Variants in ZBTB10 observed in about 807,000 individuals in gnomAD.
ZBTB10 encodes zinc finger and BTB domain-containing protein 10.
Under a neutral mutation model 76.4 loss-of-function variants are expected in ZBTB10, and 32 were observed. The observed-to-expected ratio is 0.42, with a 90% CI of 0.32 to 0.56. The LOEUF (loss-of-function observed/expected upper bound fraction) is 0.56. Among genes scored for constraint, ZBTB10 ranks in the 20% least tolerant of loss-of-function variants. ZBTB10 has a pLI of 0.14. For synonymous variants in ZBTB10, 523 were observed against 432.9 expected (o/e 1.21, Z -2.58); for missense variants, 1,057 against 1,098.5 (o/e 0.96, Z 0.53).
At chr8:80,502,981 T>G (rs1456640174) in intron 2 of ZBTB10, among the ~76,000 whole-genome samples, 3 of 152,170 alleles carry the variant, frequency 2.0e-5, no homozygotes, top group African/African-American at 4.8e-5. Flanking sequence ...TTAATTGGTA[T>G]GGAATGTGGT....
In ZBTB10 at chr8:80,486,396, T is replaced by TGTGGAGGATCG; in HGVS notation, c.-411_-401dup. On this transcript the variant is annotated 5_prime_UTR_variant, in exon 1 of 6. Transcript: ENST00000455036. ...TCGGCGCGCGGAGGAAGGATATCTGTGTGGAGGATCGGTGTGTGCGCGCGC... is the reference window on the plus strand; with the variant it reads ...TCGGCGCGCGGAGGAAGGATATCTGTGTGGAGGATCGGTGGAGGATCGGTGTGTGCGCGCGC... 1 of 987,438 alleles carries TGTGGAGGATCG rather than the reference T, an allele frequency of 1.0e-6. No individual in the cohort carries two copies. The highest frequency in any genetic ancestry group is 1.2e-6 in the Non-Finnish European group (1 of 832,294). 61.2% of individuals were successfully genotyped at this position (987,438 alleles called of 1,614,324 possible).
intron 2 of ZBTB10, among the ~76,000 whole-genome samples, 182 bp from the exon 3 acceptor site, chr8:80,513,721 CTAACCAG>C (rs35652875): frequency 0.037 from 5,618 of 152,226 alleles, 238 homozygotes; most frequent in East Asian, 0.23. Context: ...CAGCCCATTC[CTAACCAG>C]TACACTGTAC....
At position 80,500,305 on chromosome 8, in the gene ZBTB10, A is replaced by G. The variant is rs1797247911; in HGVS notation, c.1784A>G (p.Asn595Ser). The G allele has an allele frequency of 6.3e-7, 1 of 1,581,388 alleles. No individual in the cohort carries two copies. Among genetic ancestry groups the G allele is most frequent in the Admixed American group, 1.8e-5 (1 of 55,556 alleles). ...IYNIPPNNET[N>S]LEDCSVMQPP... ...AATATTCCACCTAATAATGAAACGAATTTAGAAGATTGCTCAGTAATGCAG... is the reference window on the plus strand; with the variant it reads ...AATATTCCACCTAATAATGAAACGAGTTTAGAAGATTGCTCAGTAATGCAG... The change falls in exon 2 of 6, where the codon AAT becomes AGT. Residue 595 changes from asparagine to serine, a missense_variant. Asn to Ser is a conservative substitution (Grantham distance 46). This residue lies in a region of ZBTB10 where 306 missense variants were observed against 297.5 expected (regional missense o/e 1.03). Transcript: ENST00000455036.
chr8:80,485,815 C>A, upstream of ZBTB10: 1 of 1,535,756 alleles, frequency 6.5e-7, no homozygotes, highest in Middle Eastern at 1.7e-4. Context: ...TCCCACCGCA[C>A]AGTTATTTGC....
chr8:80,507,258 A>G (rs1280256648), intron 2 of ZBTB10, among the ~76,000 whole-genome samples: 4 of 151,126 alleles, frequency 2.6e-5, no homozygotes, highest in Non-Finnish European at 5.9e-5. Flanking sequence ...CAGTGAGCCA[A>G]GACCATGCCA....
In ZBTB10 at chr8:80,522,128, T is replaced by A. The variant is rs1816461072; in HGVS notation, c.*2600T>A. On this transcript the variant is annotated 3_prime_UTR_variant, in exon 6 of 6. Coordinates refer to ENST00000455036, the MANE Select transcript of ZBTB10 (RefSeq NM_001105539.3). ...ACTGCCTTTTCCCATCTAGATCTTT[T>A]AAAAAAATAGTTTTAGTACTAAGGT... The A allele has an allele frequency of 1.3e-5, 2 of 151,858 alleles. No individual in the cohort carries two copies. The highest frequency in any genetic ancestry group is 4.8e-5 in the African/African-American group (2 of 41,410). 9.4% of individuals were successfully genotyped at this position (151,858 alleles called of 1,614,324 possible). A position where few individuals can be genotyped will look rare whatever the true frequency, so the allele number is the denominator to read the frequency against.
At chr8:80,511,756 C>A (rs554110496) in intron 2 of ZBTB10, among the ~76,000 whole-genome samples, 72 of 152,084 alleles carry the variant, frequency 4.7e-4, no homozygotes, top group Admixed American at 1.2e-3. Flanking sequence ...GACCAAAAAA[C>A]CAAATTATTC....
At position 80,499,487 on chromosome 8, in the gene ZBTB10, A is replaced by G. The variant is rs1318691216; in HGVS notation, c.973-7A>G. On this transcript the variant is annotated splice_polypyrimidine_tract_variant and splice_region_variant and intron_variant, in intron 1 of 5. Coordinates refer to ENST00000455036, the MANE Select transcript of ZBTB10 (RefSeq NM_001105539.3). ...GTTTAATATTAATGTTTTTTATCCA[A>G]TTACAGGAGTCAGAAATACCATCAG... 1.3e-6 allele frequency: 2 copies of G among 1,569,194 alleles called. No homozygotes were observed. Among genetic ancestry groups the G allele is most frequent in the Admixed American group, 2.0e-5 (1 of 51,132 alleles).
chr8:80,488,782 A>T (rs1815549706), intron 1 of ZBTB10, among the ~76,000 whole-genome samples: 1 of 152,120 alleles, frequency 6.6e-6, no homozygotes, highest in Admixed American at 6.5e-5. Flanking sequence ...TGGTGGATGG[A>T]ATTCATTCTT....
At chr8:80,505,592 C>G (rs1208906090) in intron 2 of ZBTB10, among the ~76,000 whole-genome samples, 2 of 152,016 alleles carry the variant, frequency 1.3e-5, no homozygotes, top group East Asian at 3.9e-4. Flanking sequence ...TTGCGTTAAT[C>G]CTTACAAGTA....
chr8:80,515,499 C>T (rs1057332236), intron 3 of ZBTB10, among the ~76,000 whole-genome samples: 2 of 152,144 alleles, frequency 1.3e-5, no homozygotes, highest in African/African-American at 2.4e-5. Context: ...GCAGTTTGTA[C>T]GTCAGATGTC....
chr8:80,487,264 C>A lies in ZBTB10; in HGVS notation c.454C>A (p.His152Asn). Reference sequence around the variant, plus strand: ...CGAGACCTCGGTGTGGCCCTTGAGGCATTTCAATGGGCGAGGGCCGGCGAC... The same window carrying A: ...CGAGACCTCGGTGTGGCCCTTGAGGAATTTCAATGGGCGAGGGCCGGCGAC... Reference protein sequence around the residue: ...RPETSVWPLRHFNGRGPATVD... With the variant: ...RPETSVWPLRNFNGRGPATVD... The change falls in exon 1 of 6, where the codon CAT becomes AAT. Residue 152 changes from histidine to asparagine, a missense_variant. By Grantham distance (68) the His-to-Asn change is moderately conservative. This residue lies in a region of ZBTB10 where 556 missense variants were observed against 451.7 expected (regional missense o/e 1.23). Coordinates refer to ENST00000455036, the MANE Select transcript of ZBTB10 (RefSeq NM_001105539.3). 6.4e-7 allele frequency: 1 copy of A among 1,552,424 alleles called. No homozygotes were observed. Among genetic ancestry groups the A allele is most frequent in the Non-Finnish European group, 8.7e-7 (1 of 1,149,652 alleles).
At chr8:80,507,824 C>A (rs1246984725) in intron 2 of ZBTB10, among the ~76,000 whole-genome samples, 1 of 152,164 alleles carries the variant, frequency 6.6e-6, no homozygotes, top group East Asian at 1.9e-4. Context: ...TGGTGTCCAG[C>A]TCTTGGGCTC....
At chr8:80,497,641 A>G (rs1227942365) in intron 1 of ZBTB10, among the ~76,000 whole-genome samples, 1 of 144,538 alleles carries the variant, frequency 6.9e-6, no homozygotes, top group Non-Finnish European at 1.5e-5. Flanking sequence ...TTTTCATACT[A>G]TTCCATTTTC....
Position 80,486,256 on chromosome 8 carries a change from T to C in ZBTB10, c.-555T>C. On this transcript the variant is annotated 5_prime_UTR_variant, in exon 1 of 6. Transcript: ENST00000455036. The stretch of plus-strand genomic sequence containing the variant: ...CCATTCGACCTCCGCCAGGGCCTGG[T>C]CGGACGGAAACGCTCCGCCGGCTTT... 27 of 1,023,144 alleles carry C rather than the reference T, an allele frequency of 2.6e-5. No individual in the cohort carries two copies. The highest frequency in any genetic ancestry group is 3.2e-5 in the Non-Finnish European group (27 of 855,938). 63.4% of individuals were successfully genotyped at this position (1,023,144 alleles called of 1,614,324 possible).
intron 2 of ZBTB10, among the ~76,000 whole-genome samples, chr8:80,507,077 A>G (rs1816076032): frequency 6.6e-6 from 1 of 152,044 alleles, no homozygotes; most frequent in Non-Finnish European, 1.5e-5. Context: ...TGGGAGGCCG[A>G]GGCAGGTGGA....
intron 2 of ZBTB10, among the ~76,000 whole-genome samples, chr8:80,505,146 G>T: frequency 6.6e-6 from 1 of 152,186 alleles, no homozygotes; most frequent in East Asian, 1.9e-4. Context: ...AATTGGCAAA[G>T]AAGTTAAGAG....
chr8:80,498,750 T>C (rs927126554), intron 1 of ZBTB10, among the ~76,000 whole-genome samples: 1 of 152,260 alleles, frequency 6.6e-6, no homozygotes, highest in African/African-American at 2.4e-5. Context: ...ATTTTAATTG[T>C]GACGCCAAGT....
chr8:80,486,475 G>C lies in ZBTB10; in HGVS notation c.-336G>C, dbSNP rs1464782711. 2.0e-6 allele frequency: 2 copies of C among 985,194 alleles called. No individual in the cohort carries two copies. Among genetic ancestry groups the C allele is most frequent in the Non-Finnish European group, 1.2e-6 (1 of 829,998 alleles). 61.0% of individuals were successfully genotyped at this position (985,194 alleles called of 1,614,324 possible). ...TCCCCGCACTCCGCTGCTCAACTTC[G>C]AAGGCCTCGCTCGCTGCAGGCTCGC... is the stretch of plus-strand genomic sequence containing the variant. On this transcript the variant is annotated 5_prime_UTR_variant, in exon 1 of 6. Transcript: ENST00000455036.
Sources: gnomAD v4.1 joint callset for allele counts (sites outside exome capture counted in the v4.1 genomes callset) on GRCh38, gnomAD v4.1.1 for gene constraint, gnomAD v4.1.1 regional missense constraint, MANE v1.5 for transcripts, NCBI Gene and HGNC (gene_info 2026-07-23, HGNC 2026-07-21) for gene names.